The following XKRX variants were observed in gnomAD, a reference collection of about 807,000 sequenced individuals.
XKRX encodes the protein XK related X-linked.
A neutral mutation model predicts 22.4 loss-of-function variants in XKRX; 11 were observed. That is an observed-to-expected ratio of 0.49 (90% CI 0.31 to 0.81). XKRX has a LOEUF of 0.81. Ranked by LOEUF, XKRX falls within the 40% of genes least tolerant of loss-of-function variation. XKRX has a pLI of 0.05. For synonymous variants in XKRX, 114 were observed against 132.2 expected (o/e 0.86, Z 0.94); for missense variants, 320 against 336.5 (o/e 0.95, Z 0.38).
intron 1 of XKRX, among the ~76,000 whole-genome samples, chrX:100,923,486 CTTCTG>C (rs1295133829): frequency 7.1e-5 from 8 of 112,128 alleles, no homozygotes; most frequent in African/African-American, 2.6e-4. Flanking sequence ...CTTTTTCTCT[CTTCTG>C]TTCTGATCAT....
At chrX:100,894,287 G>A in the XKRX span, among the ~76,000 whole-genome samples, 5 of 111,224 alleles carry the variant, frequency 4.5e-5, no homozygotes, top group South Asian at 3.8e-4. Context: ...TAATAAGTAC[G>A]TGAGATAATT....
chrX:100,917,986 A>G (rs1238857216), intron 2 of XKRX, among the ~76,000 whole-genome samples: 1 of 111,454 alleles, frequency 9.0e-6, no homozygotes, highest in Non-Finnish European at 1.9e-5. Context: ...AACCTACCTA[A>G]GCCTCAACTA....
At chrX:100,950,439 A>G in the XKRX span, among the ~76,000 whole-genome samples, 8 of 112,510 alleles carry the variant, frequency 7.1e-5, no homozygotes, top group African/African-American at 2.6e-4. Flanking sequence ...TAAGTCCACA[A>G]TTGTATTTAA....
the XKRX span, among the ~76,000 whole-genome samples, chrX:100,955,443 C>T: frequency 1.3e-4 from 15 of 111,630 alleles, no homozygotes; most frequent in South Asian, 4.8e-3. Context: ...GAGGCCGAGG[C>T]GGGTGGATCA....
At chrX:100,954,690 AAACAT>A in the XKRX span, among the ~76,000 whole-genome samples, 5 of 112,574 alleles carry the variant, frequency 4.4e-5, no homozygotes, top group Admixed American at 9.4e-5. Flanking sequence ...ATAAATGAAT[AAACAT>A]AATGTGGTAT....
At chrX:100,917,425 C>CT (rs2085442009) in intron 2 of XKRX, among the ~76,000 whole-genome samples, 1 of 108,720 alleles carries the variant, frequency 9.2e-6, no homozygotes, top group Admixed American at 1.0e-4. Flanking sequence ...CAAGACCAGC[C>CT]TGACCAACAT....
chrX:100,938,627 T>TCAAA, the XKRX span, among the ~76,000 whole-genome samples: 1,253 of 111,355 alleles, frequency 0.011, 19 homozygotes, highest in African/African-American at 0.039. Context: ...AGACTCTGTC[T>TCAAA]CAAACAAACA....
chrX:100,901,039 C>G, the XKRX span, among the ~76,000 whole-genome samples: 2 of 111,056 alleles, frequency 1.8e-5, no homozygotes, highest in Admixed American at 9.6e-5. Context: ...ATCTGCCCGC[C>G]TTGGCCTCCC....
intron 2 of XKRX, among the ~76,000 whole-genome samples, chrX:100,921,395 G>A (rs544333652): frequency 4.5e-5 from 5 of 111,941 alleles, no homozygotes; most frequent in African/African-American, 1.6e-4. Flanking sequence ...CATTTCCAAA[G>A]AGTTTTCTCC....
the XKRX span, among the ~76,000 whole-genome samples, chrX:100,904,223 A>G: frequency 4.5e-5 from 5 of 111,892 alleles, no homozygotes; most frequent in African/African-American, 1.6e-4. Context: ...ATGCAATACC[A>G]TGGAGCAAAG....
rs375207737 is a variant in XKRX at position 100,914,740 on chromosome X, G to A, written c.948C>T (p.Thr316=). ...VGTLVVLISV[T]ILYAGINFSC... Reference sequence around the variant, plus strand: ...AGAAGTTGATGCCAGCATAGAGGATGGTGACTGAAATCAGGACCACCAGAG... The same window carrying A: ...AGAAGTTGATGCCAGCATAGAGGATAGTGACTGAAATCAGGACCACCAGAG... Residue 316 remains threonine (T), a synonymous_variant, in exon 3 of 3, where the codon ACC becomes ACT. Coordinates refer to ENST00000372956, the MANE Select transcript of XKRX (RefSeq NM_212559.3). 1.7e-6 allele frequency: 2 copies of A among 1,209,843 alleles called. No individual in the cohort carries two copies. The highest frequency in any genetic ancestry group is 3.5e-5 in the African/African-American group (2 of 57,069).
intron 1 of XKRX, among the ~76,000 whole-genome samples, chrX:100,927,674 C>T (rs993050378): frequency 3.1e-4 from 35 of 111,539 alleles, no homozygotes; most frequent in African/African-American, 1.1e-3. Context: ...ATTACACACT[C>T]TGCAGCTATG....
At chrX:100,910,323 T>C (rs1201840322), downstream of XKRX, among the ~76,000 whole-genome samples, 2 of 110,974 alleles carry the variant, frequency 1.8e-5, no homozygotes, top group African/African-American at 6.6e-5. Context: ...TGGTGGCTCA[T>C]GCCTGTAATC....
the XKRX span, among the ~76,000 whole-genome samples, chrX:100,899,774 A>G: frequency 8.9e-6 from 1 of 112,047 alleles, no homozygotes; most frequent in Non-Finnish European, 1.9e-5. Context: ...AAAATAATAC[A>G]TAGGAGTGAA....
chrX:100,957,060 G>A, the XKRX span: 3 of 1,119,501 alleles, frequency 2.7e-6, no homozygotes, highest in African/African-American at 5.4e-5. Context: ...ACAGTTAAAT[G>A]CTGAGCCTGG....
chrX:100,956,295 C>A, the XKRX span, among the ~76,000 whole-genome samples: 1 of 111,408 alleles, frequency 9.0e-6, no homozygotes, highest in Admixed American at 9.6e-5. Context: ...CAGCAAATCA[C>A]CATGGCACAT....
At chrX:100,893,663 C>G in the XKRX span, among the ~76,000 whole-genome samples, 3 of 112,013 alleles carry the variant, frequency 2.7e-5, no homozygotes, top group Non-Finnish European at 5.6e-5. Context: ...TCATTTGCAG[C>G]AACATGGATG....
the XKRX span, among the ~76,000 whole-genome samples, chrX:100,943,248 T>C: frequency 8.9e-6 from 1 of 112,242 alleles, no homozygotes; most frequent in African/African-American, 3.2e-5. Flanking sequence ...TTACTATCTA[T>C]GCATGTACCA....
At chrX:100,927,637 T>G (rs1386488096) in intron 1 of XKRX, among the ~76,000 whole-genome samples, 1 of 110,521 alleles carries the variant, frequency 9.0e-6, no homozygotes, top group East Asian at 2.8e-4. Flanking sequence ...AGACCTTGTC[T>G]CAGAAAAAAA....
Sources: gnomAD v4.1 joint callset for allele counts (sites outside exome capture counted in the v4.1 genomes callset) on GRCh38, gnomAD v4.1.1 for gene constraint, MANE v1.5 for transcripts, NCBI Gene and HGNC (gene_info 2026-07-23, HGNC 2026-07-21) for gene names.